The following DPY19L2 variants were observed in gnomAD, a reference collection of about 807,000 sequenced individuals.
DPY19L2 encodes dpy-19 like 2.
Under a neutral mutation model 97.9 loss-of-function variants are expected in DPY19L2, and 34 were observed. That is an observed-to-expected ratio of 0.35 (90% confidence interval 0.26 to 0.46). The LOEUF (loss-of-function observed/expected upper bound fraction) is 0.46, where lower values mean the gene tolerates loss of function less well. Ranked by LOEUF, DPY19L2 falls within the 20% of genes least tolerant of loss-of-function variation. The pLI, the probability that DPY19L2 is intolerant of heterozygous loss-of-function variation, is 1.00. For synonymous variants in DPY19L2, 230 were observed against 307.9 expected (o/e 0.75, Z 2.65); for missense variants, 623 against 911.4 (o/e 0.68, Z 4.07).
intron 6 of DPY19L2, among the ~76,000 whole-genome samples, chr12:63,633,585 G>A (rs571799738): frequency 6.6e-6 from 1 of 152,142 alleles, no homozygotes; most frequent in Admixed American, 6.5e-5. Flanking sequence ...AGAGGATGTG[G>A]AGAAATAGGA....
chr12:63,628,148 AG>A (rs1439618986), intron 6 of DPY19L2, among the ~76,000 whole-genome samples: 16 of 152,162 alleles, frequency 1.1e-4, no homozygotes, highest in Admixed American at 1.0e-3. Flanking sequence ...AGCGACACAG[AG>A]GACGGGTGAT....
upstream of DPY19L2, chr12:63,668,678 A>C: frequency 2.4e-6 from 1 of 422,914 alleles, no homozygotes. Context: ...GGGCAGCCCC[A>C]CGCACAGCCC....
chr12:63,607,832 C>A (rs1246957316), intron 12 of DPY19L2, among the ~76,000 whole-genome samples: 1 of 151,758 alleles, frequency 6.6e-6, no homozygotes, highest in Non-Finnish European at 1.5e-5. Context: ...GGGGTTTTGC[C>A]GTGTTGCCCA....
intron 19 of DPY19L2, among the ~76,000 whole-genome samples, chr12:63,575,485 T>C (rs1297395808): frequency 6.6e-6 from 1 of 151,294 alleles, no homozygotes; most frequent in African/African-American, 2.4e-5. Context: ...ATAAATGAAA[T>C]TGCAATGAAG....
intron 19 of DPY19L2, among the ~76,000 whole-genome samples, chr12:63,573,872 GAAACAAAAGCTGTGAA>G (rs1565701783): frequency 6.6e-6 from 1 of 152,028 alleles, no homozygotes; most frequent in Non-Finnish European, 1.5e-5. Flanking sequence ...ACTTCCCAGT[GAAACAAAAGCTGTGAA>G]ATTTCATTCA....
Position 63,640,349 on chromosome 12 carries a change from A to C in DPY19L2, c.803+4054T>G, listed in dbSNP as rs144587159. Among the ~76,000 whole-genome samples the C allele has an allele frequency of 1.7e-3, 265 of 152,318 alleles. 2 individuals carry two copies. Among genetic ancestry groups the C allele is most frequent in the African/African-American group, 6.2e-3 (259 of 41,580 alleles). On this transcript the variant is annotated intron_variant, in intron 6 of 21. Transcript: ENST00000324472. Reference sequence around the variant, plus strand: ...CATGTACCCTAGAACTTAAAGTATAATAATAATAAAAAAAGATACGAGAGG... The same window carrying C: ...CATGTACCCTAGAACTTAAAGTATACTAATAATAAAAAAAGATACGAGAGG...
intron 6 of DPY19L2, among the ~76,000 whole-genome samples, chr12:63,642,837 T>C (rs922900188): frequency 3.1e-4 from 47 of 152,090 alleles, no homozygotes; most frequent in Admixed American, 7.9e-4. Context: ...TGTTGGAATT[T>C]TGACTGGTAG....
chr12:63,625,619 T>C (rs1889403326), intron 7 of DPY19L2, among the ~76,000 whole-genome samples: 1 of 152,152 alleles, frequency 6.6e-6, no homozygotes, highest in African/African-American at 2.4e-5. Flanking sequence ...TATGTTTCAT[T>C]GGGCTGAATT....
chr12:63,573,364 G>C (rs1879240820), intron 19 of DPY19L2, among the ~76,000 whole-genome samples: 1 of 151,928 alleles, frequency 6.6e-6, no homozygotes, highest in South Asian at 2.1e-4. Context: ...GAAAGAATTA[G>C]TGAGCTTAAA....
intron 4 of DPY19L2, among the ~76,000 whole-genome samples, chr12:63,648,079 T>C (rs1452654545): frequency 6.6e-6 from 1 of 152,096 alleles, no homozygotes; most frequent in South Asian, 2.1e-4. Flanking sequence ...AAAGCTATCT[T>C]ACTCTCCTAC....
At chr12:63,599,541 C>T (rs2137554949) in intron 13 of DPY19L2, among the ~76,000 whole-genome samples, 1 of 152,044 alleles carries the variant, frequency 6.6e-6, no homozygotes, top group Admixed American at 6.5e-5. Flanking sequence ...TAATCCCTTG[C>T]CAAAGTACAT....
At chr12:63,598,868 ATT>A (rs1348369657) in intron 13 of DPY19L2, among the ~76,000 whole-genome samples, 1 of 145,204 alleles carries the variant, frequency 6.9e-6, no homozygotes, top group Admixed American at 6.9e-5. Context: ...GTGTGTTTGC[ATT>A]TTTTTTTTTT....
Position 63,647,255 on chromosome 12 carries a change from T to C in DPY19L2, c.699A>G (p.Gln233=), listed in dbSNP as rs199679367. The C allele has an allele frequency of 6.5e-5, 100 of 1,543,424 alleles. No homozygotes were observed. Among genetic ancestry groups the C allele is most frequent in the Non-Finnish European group, 8.3e-5 (95 of 1,146,138 alleles). The stretch of plus-strand genomic sequence containing the variant: ...TTGGAAGAAACATGCCTTCACAGCT[T>C]TGAACTTCATTAAGAGGTTCTATTC... ...VTRIEPLNEV[Q]SCEGLGDPAC... is the part of the protein sequence containing the mutation. Residue 233 remains glutamine (Q), a synonymous_variant, in exon 5 of 22, where the codon CAA becomes CAG. Transcript: ENST00000324472.
intron 9 of DPY19L2, among the ~76,000 whole-genome samples, chr12:63,620,877 C>T (rs1888582610): frequency 1.3e-5 from 2 of 152,014 alleles, no homozygotes. Flanking sequence ...ACTATGCAGC[C>T]ATAAAAAGGA....
intron 6 of DPY19L2, among the ~76,000 whole-genome samples, chr12:63,629,211 A>G (rs1319783584): frequency 1.3e-5 from 2 of 152,204 alleles, no homozygotes; most frequent in East Asian, 3.8e-4. Flanking sequence ...ACAAAGCTGG[A>G]TGGAGAATGA....
At chr12:63,562,874 C>G (rs1297293536) in intron 21 of DPY19L2, among the ~76,000 whole-genome samples, 1 of 151,486 alleles carries the variant, frequency 6.6e-6, no homozygotes, top group Non-Finnish European at 1.5e-5. Flanking sequence ...TGGCTCACTG[C>G]AACCTCCGTC....
chr12:63,631,235 G>A (rs891584375), intron 6 of DPY19L2, among the ~76,000 whole-genome samples: 20 of 152,048 alleles, frequency 1.3e-4, no homozygotes, highest in South Asian at 2.1e-4. Context: ...AACTGAAGGA[G>A]ATAGAGACAC....
In DPY19L2 at chr12:63,632,367, T is replaced by C. The variant is rs573487419; in HGVS notation, c.804-5841A>G. On this transcript the variant is annotated intron_variant, in intron 6 of 21. Coordinates refer to ENST00000324472, the MANE Select transcript of DPY19L2 (RefSeq NM_173812.5). ...AAGCTGATAGGCAACTTCAGCAAAG[T>C]CTCAGGATACAAAATCAATGTGCAA... Among the ~76,000 whole-genome samples the C allele has an allele frequency of 2.4e-3, 372 of 152,180 alleles. 1 individual carries two copies. The highest frequency in any genetic ancestry group is 8.1e-3 in the African/African-American group (338 of 41,510).
intron 6 of DPY19L2, among the ~76,000 whole-genome samples, chr12:63,629,615 G>A (rs964236571): frequency 6.6e-6 from 1 of 152,150 alleles, no homozygotes; most frequent in Non-Finnish European, 1.5e-5. Context: ...GTGATGGGGA[G>A]AATGGAACCA....
Sources: allele counts gnomAD v4.1 joint callset (sites outside exome capture counted in the v4.1 genomes callset), GRCh38; gene constraint gnomAD v4.1.1; transcripts MANE v1.5; gene names NCBI Gene and HGNC (gene_info 2026-07-23, HGNC 2026-07-21).